The following TRANK1 variants were observed in gnomAD, a reference collection of about 807,000 sequenced individuals.
The protein encoded by TRANK1 is tetratricopeptide repeat and ankyrin repeat containing 1.
In TRANK1, 198 loss-of-function variants were observed where a neutral mutation model predicts 266.0. The ratio of observed to expected loss-of-function variants is 0.74; its 90% CI spans 0.66 to 0.84. The LOEUF is 0.84. TRANK1 is among the 40% of genes least tolerant of loss of function. The pLI is 0.00. For missense variants in TRANK1, 3,326 were observed against 3,634.6 expected, an observed-to-expected ratio of 0.92 and a Z score of 2.18; for synonymous variants, 1,396 against 1,384.1, an observed-to-expected ratio of 1.01 and a Z score of -0.19.
At chr3:36,839,749 G>A (rs56345988) in intron 18 of TRANK1, among the ~76,000 whole-genome samples, 1 of 152,102 alleles carries the variant, frequency 6.6e-6, no homozygotes, top group African/African-American at 2.4e-5. Flanking sequence ...GCTGTGCATT[G>A]GTCTATATGC....
chr3:36,945,196 T>G (rs2080556979), upstream of TRANK1: 1 of 216,308 alleles, frequency 4.6e-6, no homozygotes, highest in Non-Finnish European at 9.1e-6. Flanking sequence ...CTCGGCCGCC[T>G]TTGAATAAAC....
chr3:36,944,828 C>G lies in TRANK1; in HGVS notation c.-19G>C, dbSNP rs1052768662. On this transcript the variant is annotated 5_prime_UTR_variant, in exon 1 of 24. Transcript: ENST00000645898. Reference sequence around the variant, plus strand: ...CCCACATGGCTGCGGCCGGAGGGTCCGCACCAGGACCGCCGCCGCCTGGGG... The same window carrying G: ...CCCACATGGCTGCGGCCGGAGGGTCGGCACCAGGACCGCCGCCGCCTGGGG... 32 of 1,460,940 alleles carry G rather than the reference C, an allele frequency of 2.2e-5. No homozygotes were observed. In the Admixed American group the frequency reaches 5.5e-4, roughly 25 times the overall value. 90.5% of individuals were successfully genotyped at this position (1,460,940 alleles called of 1,614,324 possible). A position where few individuals can be genotyped will look rare whatever the true frequency, so the allele number is the denominator to read the frequency against.
At chr3:36,935,809 G>A (rs1370450397) in intron 1 of TRANK1, among the ~76,000 whole-genome samples, 1 of 152,118 alleles carries the variant, frequency 6.6e-6, no homozygotes, top group African/African-American at 2.4e-5. Flanking sequence ...TGCAACCCAA[G>A]GGCTCAGCAT....
Position 36,861,040 on chromosome 3 carries a change from C to A in TRANK1, c.1361G>T (p.Gly454Val). 6.5e-7 allele frequency: 1 copy of A among 1,537,810 alleles called. No individual in the cohort carries two copies. Among genetic ancestry groups the A allele is most frequent in the Non-Finnish European group, 8.7e-7 (1 of 1,147,038 alleles). The change falls in exon 11 of 24, where the codon GGA becomes GTA. Residue 454 changes from glycine (G) to valine (V), a missense_variant. Gly to Val is a moderately radical substitution (Grantham distance 109). Coordinates refer to ENST00000645898, the MANE Select transcript of TRANK1 (RefSeq NM_001329998.2). ...GAGGCAATCCCCAAGCGGTGGTTCT[C>A]CACTTACTTTGCGGGTCAGCAGCAG... ...VLLLLTRKVS[G>V]EPPLGDCLIK...
chr3:36,872,872 C>G (rs2079330064), intron 9 of TRANK1, among the ~76,000 whole-genome samples: 1 of 148,648 alleles, frequency 6.7e-6, no homozygotes, highest in African/African-American at 2.6e-5. Flanking sequence ...AGGAAGGACC[C>G]ATATCTAGAT....
chr3:36,834,560 T>A (rs2078741455), intron 21 of TRANK1: 1 of 535,804 alleles, frequency 1.9e-6, no homozygotes, highest in Non-Finnish European at 3.2e-6. Context: ...TGACACTGCA[T>A]CAAAGCTTAT....
rs1366937117 is a variant in TRANK1 at position 36,857,624 on chromosome 3, C to G, written c.2098G>C (p.Gly700Arg). 1 of 1,614,066 alleles carries G rather than the reference C, an allele frequency of 6.2e-7. No individual in the cohort carries two copies. ...CGATARTLPEGSAVPDSWETL... is the reference protein window; with the variant it reads ...CGATARTLPERSAVPDSWETL... ...TCCCAGCTGTCAGGGACTGCACTTC[C>G]TTCAGGCAGTGTTCTGGCAGTGGCA... is the stretch of plus-strand genomic sequence containing the variant. The change falls in exon 13 of 24, where the codon GGA becomes CGA. Residue 700 changes from glycine to arginine, a missense_variant. Transcript: ENST00000645898. The surrounding 1 kb of genome is among the most constrained non-coding windows in gnomAD (Gnocchi z 4.3).
intron 1 of TRANK1, among the ~76,000 whole-genome samples, chr3:36,924,283 C>T (rs1394726530): frequency 3.3e-5 from 5 of 152,302 alleles, no homozygotes; most frequent in African/African-American, 1.2e-4. Context: ...TGGAACACCC[C>T]TTTGGAAAGT....
Position 36,894,085 on chromosome 3 carries a change from G to A in TRANK1, c.553-1101C>T, listed in dbSNP as rs111729803. On this transcript the variant is annotated intron_variant, in intron 5 of 23. Coordinates refer to ENST00000645898, the MANE Select transcript of TRANK1 (RefSeq NM_001329998.2). ...TGCTGGCCTTTTAAAAGATGCTTCT[G>A]TCTGCAGTATTTGGGAATTACCAGA... is the stretch of plus-strand genomic sequence containing the variant. 8.9e-3 allele frequency among the ~76,000 whole-genome samples: 1,352 copies of A among 152,280 alleles called. 20 individuals carry two copies. Among genetic ancestry groups the A allele is most frequent in the African/African-American group, 0.031 (1,303 of 41,562 alleles).
intron 7 of TRANK1, among the ~76,000 whole-genome samples, 164 bp downstream of exon 7, chr3:36,892,038 A>T (rs1440388866): frequency 6.6e-6 from 1 of 152,200 alleles, no homozygotes; most frequent in Non-Finnish European, 1.5e-5. Flanking sequence ...GATAAAAATG[A>T]TACTATTTTC....
At chr3:36,940,976 G>A (rs182233838) in intron 1 of TRANK1, among the ~76,000 whole-genome samples, 2 of 152,278 alleles carry the variant, frequency 1.3e-5, no homozygotes, top group Admixed American at 1.3e-4. Flanking sequence ...CAGGTAGAGT[G>A]GACCTTCATG....
chr3:36,885,343 C>G (rs1221438917), intron 8 of TRANK1, among the ~76,000 whole-genome samples: 1 of 152,004 alleles, frequency 6.6e-6, no homozygotes, highest in Non-Finnish European at 1.5e-5. Context: ...ATCAAACAAA[C>G]CAAAATTGAT....
intron 9 of TRANK1, among the ~76,000 whole-genome samples, chr3:36,869,845 G>A (rs1301958223): frequency 6.6e-6 from 1 of 152,214 alleles, no homozygotes; most frequent in Admixed American, 6.5e-5. Context: ...CACATGTGAC[G>A]AGTGGCTATC....
rs1336722337 is a variant in TRANK1 at position 36,851,865 on chromosome 3, A to T, written c.4750-9T>A. The T allele has an allele frequency of 6.3e-7, 1 of 1,582,332 alleles. No individual in the cohort carries two copies. On this transcript the variant is annotated splice_polypyrimidine_tract_variant and intron_variant, in intron 14 of 23. Coordinates refer to ENST00000645898, the MANE Select transcript of TRANK1 (RefSeq NM_001329998.2). ...TTGGCCACAAGGATTACCTGAAGAAAAACAAAAGAACATCAAATTCTACAG... is the reference window on the plus strand; with the variant it reads ...TTGGCCACAAGGATTACCTGAAGAATAACAAAAGAACATCAAATTCTACAG...
chr3:36,933,181 C>CT (rs1229625469), intron 1 of TRANK1, among the ~76,000 whole-genome samples: 1 of 152,140 alleles, frequency 6.6e-6, no homozygotes, highest in Non-Finnish European at 1.5e-5. Context: ...ATGTGCCCAC[C>CT]TTATCTTTAA....
Position 36,907,521 on chromosome 3 carries a change from G to A in TRANK1, c.155+802C>T, listed in dbSNP as rs952980300. ...GCTCTGTCGCCCAGGATGGAGTGCA[G>A]TGGCGTAATCTCGGCTCACTGCAAG... On this transcript the variant is annotated intron_variant, in intron 2 of 23. Transcript: ENST00000645898. Among the ~76,000 whole-genome samples, 3 of 142,268 alleles carry A rather than the reference G, an allele frequency of 2.1e-5. No homozygotes were observed. The Admixed American group carries it at 2.2e-4, about 11-fold the overall frequency. 93.3% of individuals were successfully genotyped at this position (142,268 alleles called of 152,430 possible).
At position 36,847,215 on chromosome 3, in the gene TRANK1, A is replaced by T; in HGVS notation, c.5019T>A (p.Asn1673Lys). The change falls in exon 16 of 24, where the codon AAT becomes AAA. Residue 1673 changes from asparagine to lysine, a missense_variant. Transcript: ENST00000645898. ...GSSQGRSLMV[N>K]PEMYKLLNGE... ...AGAAATTCACCTTGTACATTTCTGG[A>T]TTCACCATGAGAGATCGACCCTGAG... The T allele has an allele frequency of 1.2e-6, 2 of 1,612,616 alleles. No individual in the cohort carries two copies. The highest frequency in any genetic ancestry group is 1.7e-6 in the Non-Finnish European group (2 of 1,179,184).
At chr3:36,932,336 G>A (rs2080371694) in intron 1 of TRANK1, among the ~76,000 whole-genome samples, 1 of 152,082 alleles carries the variant, frequency 6.6e-6, no homozygotes, top group Admixed American at 6.6e-5. Context: ...TTTGGGAGGT[G>A]GAGGTGAGTG....
At position 36,831,341 on chromosome 3, in the gene TRANK1, T is replaced by C; in HGVS notation, c.8242A>G (p.Arg2748Gly). 1 of 1,613,540 alleles carries C rather than the reference T, an allele frequency of 6.2e-7. No homozygotes were observed. Among genetic ancestry groups the C allele is most frequent in the Non-Finnish European group, 8.5e-7 (1 of 1,179,722 alleles). ...GCCCTGGGCTCCCTGGCCTCCTCCCTGACACGCTCCATCTGGGTGCCCACT... is the reference window on the plus strand; with the variant it reads ...GCCCTGGGCTCCCTGGCCTCCTCCCCGACACGCTCCATCTGGGTGCCCACT... ...RRVGTQMERV[R>G]EEAREPRAGN... Residue 2748 changes from arginine to glycine, a missense_variant, in exon 22 of 24, where the codon AGG becomes GGG. By Grantham distance (125) the Arg-to-Gly change is moderately radical (BLOSUM62 -2). Coordinates refer to ENST00000645898, the MANE Select transcript of TRANK1 (RefSeq NM_001329998.2). The surrounding 1 kb of genome is among the most constrained non-coding windows in gnomAD (Gnocchi z 5.0).
Sources: allele counts gnomAD v4.1 joint callset (sites outside exome capture counted in the v4.1 genomes callset), GRCh38; gene constraint gnomAD v4.1.1; non-coding constraint Gnocchi (gnomAD v3.1); transcripts MANE v1.5; gene names NCBI Gene and HGNC (gene_info 2026-07-23, HGNC 2026-07-21).